DNAH6: variants seen among roughly 807,000 people sequenced by gnomAD.
The protein encoded by DNAH6 is dynein axonemal heavy chain 6.
In DNAH6, 340 loss-of-function variants were observed where a neutral mutation model predicts 491.4. The observed-to-expected ratio is 0.69, with a 90% CI of 0.63 to 0.76. The LOEUF (loss-of-function observed/expected upper bound fraction) is 0.76. DNAH6 is among the 30% of genes least tolerant of loss of function. The pLI, the probability that DNAH6 is intolerant of heterozygous loss-of-function variation, is 0.00. For missense variants in DNAH6, 4,443 were observed against 4,972.2 expected (o/e 0.89, Z 3.20); for synonymous variants, 1,603 against 1,686.1 (o/e 0.95, Z 1.21).
Position 84,813,096 on chromosome 2 carries a change from C to T in DNAH6, c.11964C>T (p.Ile3988=). 6.4e-7 allele frequency: 1 copy of T among 1,551,914 alleles called. No individual in the cohort carries two copies. Among genetic ancestry groups the T allele is most frequent in the South Asian group, 1.2e-5 (1 of 84,056 alleles). The stretch of plus-strand genomic sequence containing the variant: ...GAGGACAGCCTAAGTCCTACTGGAT[C>T]TCTGGTTTCTTCTTTCCTCAAGGAT... ...LKRGQPKSYW[I]SGFFFPQGFL... The change falls in exon 74 of 77, where the codon ATC becomes ATT. Residue 3988 remains isoleucine (I), a synonymous_variant. Transcript: ENST00000389394.
At chr2:84,567,633 A>G (rs768713281) in intron 11 of DNAH6, among the ~76,000 whole-genome samples, 1 of 152,214 alleles carries the variant, frequency 6.6e-6, no homozygotes, top group Non-Finnish European at 1.5e-5. Context: ...CTTACACCTT[A>G]TACAAAAATT....
rs1391965085 is a variant in DNAH6 at position 84,819,548 on chromosome 2, T to G, written c.*140T>G. Reference sequence around the variant, plus strand: ...AACGTATTGTGACTTTTATTTCTCTTATGACCTTAAAATAAAGTGTTTGAG... The same window carrying G: ...AACGTATTGTGACTTTTATTTCTCTGATGACCTTAAAATAAAGTGTTTGAG... On this transcript the variant is annotated 3_prime_UTR_variant, in exon 77 of 77. Coordinates refer to ENST00000389394, the MANE Select transcript of DNAH6 (RefSeq NM_001370.2). 2 of 548,424 alleles carry G rather than the reference T, an allele frequency of 3.6e-6. No homozygotes were observed. Among genetic ancestry groups the G allele is most frequent in the African/African-American group, 3.9e-5 (2 of 51,726 alleles). 34.0% of individuals were successfully genotyped at this position (548,424 alleles called of 1,614,324 possible). A position where few individuals can be genotyped will look rare whatever the true frequency, so the allele number is the denominator to read the frequency against.
upstream of DNAH6, among the ~76,000 whole-genome samples, chr2:84,512,703 A>G (rs1358679244): frequency 2.0e-5 from 3 of 152,126 alleles, no homozygotes; most frequent in Non-Finnish European, 4.4e-5. Flanking sequence ...CATATGTTTT[A>G]ATTGTTCTAG....
intron 64 of DNAH6, among the ~76,000 whole-genome samples, chr2:84,767,800 A>G (rs978472487): frequency 1.2e-4 from 18 of 152,140 alleles, no homozygotes; most frequent in Admixed American, 9.8e-4. Flanking sequence ...CACAGATTAT[A>G]TAAACTCTAC....
chr2:84,622,495 C>A (rs1430821418), intron 26 of DNAH6, among the ~76,000 whole-genome samples: 1 of 152,100 alleles, frequency 6.6e-6, no homozygotes, highest in Non-Finnish European at 1.5e-5. Flanking sequence ...CTCAAGCAAT[C>A]CTCCTGCCTT....
intron 19 of DNAH6, 91 bp from the exon 20 acceptor site, chr2:84,605,409 A>T: frequency 1.2e-6 from 1 of 848,150 alleles, no homozygotes; most frequent in Non-Finnish European, 1.9e-6. Context: ...TGGGATAATT[A>T]TGGAGTTTTT....
intron 63 of DNAH6, among the ~76,000 whole-genome samples, chr2:84,749,776 A>G (rs1346348925): frequency 6.6e-6 from 1 of 152,252 alleles, no homozygotes; most frequent in Non-Finnish European, 1.5e-5. Context: ...ACTAGATGCC[A>G]TGAGTCAAAA....
At chr2:84,738,509 A>G (rs1672217189) in intron 62 of DNAH6, among the ~76,000 whole-genome samples, 1 of 152,130 alleles carries the variant, frequency 6.6e-6, no homozygotes, top group African/African-American at 2.4e-5. Flanking sequence ...TGCTTGTTTT[A>G]TAAGTCTGGG....
At chr2:84,516,364 A>G (rs1487127384), upstream of DNAH6, 2 of 152,258 alleles carry the variant, frequency 1.3e-5, no homozygotes. Context: ...TTTCGGAGAC[A>G]CTAATTGGCT....
chr2:84,722,517 A>G (rs1248319058), intron 59 of DNAH6, 108 bp from the exon 60 acceptor site: 2 of 937,104 alleles, frequency 2.1e-6, no homozygotes, highest in Admixed American at 3.4e-5. Context: ...ATAATCACCA[A>G]CTCATTCTAT....
At chr2:84,602,275 C>G (rs976298226) in intron 18 of DNAH6, among the ~76,000 whole-genome samples, 1 of 151,884 alleles carries the variant, frequency 6.6e-6, no homozygotes, top group Non-Finnish European at 1.5e-5. Context: ...TGTATGCTAA[C>G]GATTAATTTC....
chr2:84,486,309 A>G, the DNAH6 span, among the ~76,000 whole-genome samples: 2 of 152,216 alleles, frequency 1.3e-5, no homozygotes. Flanking sequence ...CAAAACCTTA[A>G]AAGCCACCAG....
intron 66 of DNAH6, 72 bp from the exon 67 acceptor site, chr2:84,785,538 T>A: frequency 7.3e-7 from 1 of 1,369,694 alleles, no homozygotes; most frequent in Non-Finnish European, 9.7e-7. Flanking sequence ...CTTCAGTCTA[T>A]GTGTGTTATT....
intron 29 of DNAH6, among the ~76,000 whole-genome samples, chr2:84,633,990 T>C (rs1190370936): frequency 6.6e-6 from 1 of 152,228 alleles, no homozygotes; most frequent in African/African-American, 2.4e-5. Context: ...ATGCCACACT[T>C]TAGATGGTAC....
chr2:84,577,662 C>T (rs139643392), intron 13 of DNAH6, among the ~76,000 whole-genome samples: 25 of 152,010 alleles, frequency 1.6e-4, no homozygotes, highest in African/African-American at 5.1e-4. Context: ...TTTCCATTGT[C>T]GGAGCATTTC....
intron 27 of DNAH6, 22 bp from the exon 28 acceptor site, chr2:84,624,443 C>T (rs1007367426): frequency 2.6e-6 from 4 of 1,550,192 alleles, no homozygotes; most frequent in Non-Finnish European, 2.6e-6. Flanking sequence ...ATTAGTGTAT[C>T]TAATATGTAT....
intron 4 of DNAH6, among the ~76,000 whole-genome samples, chr2:84,541,075 A>C (rs1678197245): frequency 6.6e-6 from 1 of 152,204 alleles, no homozygotes; most frequent in Admixed American, 6.6e-5. Flanking sequence ...GAAAGGCCTT[A>C]GTGGAACAAA....
chr2:84,646,483 A>T (rs769225778), intron 33 of DNAH6, among the ~76,000 whole-genome samples: 9 of 152,352 alleles, frequency 5.9e-5, no homozygotes, highest in South Asian at 2.1e-4. Flanking sequence ...GATAGGCTGA[A>T]AGCTAGGCCT....
At chr2:84,604,257 C>T in intron 18 of DNAH6, 82 bp from the exon 19 acceptor site, 1 of 1,093,224 alleles carries the variant, frequency 9.1e-7, no homozygotes, top group Non-Finnish European at 1.3e-6. Context: ...CAGCTCTCTA[C>T]ATGCACAAAT....
Sources: gnomAD v4.1 joint callset for allele counts (sites outside exome capture counted in the v4.1 genomes callset) on GRCh38, gnomAD v4.1.1 for gene constraint, MANE v1.5 for transcripts, NCBI Gene and HGNC (gene_info 2026-07-23, HGNC 2026-07-21) for gene names.